Variants in STAT5B observed in about 807,000 individuals in gnomAD.
STAT5B encodes the protein transcription factor STAT5B.
In STAT5B, 21 loss-of-function variants were observed where a neutral mutation model predicts 107.8. That is an observed-to-expected ratio of 0.19 (90% CI 0.14 to 0.28). The LOEUF (loss-of-function observed/expected upper bound fraction) is 0.28, where lower values mean the gene tolerates loss of function less well. Among genes scored for constraint, STAT5B ranks in the 10% least tolerant of loss-of-function variants. The pLI, the probability that STAT5B is intolerant of heterozygous loss-of-function variation, is 1.00. For synonymous variants in STAT5B, 325 were observed against 401.7 expected (o/e 0.81, Z 2.28); for missense variants, 565 against 1,008.2 (o/e 0.56, Z 5.95).
intron 15 of STAT5B, among the ~76,000 whole-genome samples, chr17:42,209,204 C>G (rs192362889): frequency 6.6e-6 from 1 of 152,062 alleles, no homozygotes; most frequent in East Asian, 1.9e-4. Context: ...CCACCATGCC[C>G]ACCTAATTAA....
At chr17:42,208,503 A>G (rs1049618272) in intron 15 of STAT5B, among the ~76,000 whole-genome samples, 14 of 151,724 alleles carry the variant, frequency 9.2e-5, no homozygotes, top group African/African-American at 3.1e-4. Context: ...AAAATAAATA[A>G]ATAAATAAAT....
rs765329195 is a variant in STAT5B at position 42,202,765 on chromosome 17, C to T, written c.2121G>A (p.Val707=). ...GCCACCTGGACACTTACTCAGGGACCACTTGCTTGATCTGTGGCTTCACGT... is the reference window on the plus strand; with the variant it reads ...GCCACCTGGACACTTACTCAGGGACTACTTGCTTGATCTGTGGCTTCACGT... ...DGYVKPQIKQ[V]VPEFVNASAD... The change falls in exon 17 of 19, where the codon GTG becomes GTA. Residue 707 remains valine (V), a synonymous_variant. Coordinates refer to ENST00000293328, the MANE Select transcript of STAT5B (RefSeq NM_012448.4). 8 of 1,614,010 alleles carry T rather than the reference C, an allele frequency of 5.0e-6. No individual in the cohort carries two copies. The highest frequency in any genetic ancestry group is 6.8e-6 in the Non-Finnish European group (8 of 1,180,050).
intron 1 of STAT5B, among the ~76,000 whole-genome samples, chr17:42,250,564 T>C (rs184955823): frequency 2.4e-4 from 37 of 152,228 alleles, no homozygotes; most frequent in Admixed American, 2.0e-3. Flanking sequence ...GTAGTAGTAA[T>C]AAATATTCAA....
At chr17:42,266,546 T>A (rs866712733) in intron 1 of STAT5B, among the ~76,000 whole-genome samples, 1,488 of 120,110 alleles carry the variant, frequency 0.012, 2 homozygotes, top group Middle Eastern at 0.023. Context: ...TCTCAAAAAA[T>A]AAAAAAAAAA....
chr17:42,238,511 G>T (rs2080375766), intron 1 of STAT5B, among the ~76,000 whole-genome samples: 1 of 147,138 alleles, frequency 6.8e-6, no homozygotes, highest in Non-Finnish European at 1.5e-5. Flanking sequence ...CTGGAGTGCA[G>T]TGGCGTGACC....
the STAT5B span, among the ~76,000 whole-genome samples, chr17:42,282,329 A>T: frequency 6.6e-6 from 1 of 150,676 alleles, no homozygotes; most frequent in Non-Finnish European, 1.5e-5. Context: ...ACTGTGACTG[A>T]GTCTTTTTTT....
At chr17:42,214,534 G>GA in intron 12 of STAT5B, 1 of 985,422 alleles carries the variant, frequency 1.0e-6, no homozygotes, top group Non-Finnish European at 1.2e-6. Flanking sequence ...ACACACAACT[G>GA]GAAGGTAACC....
intron 1 of STAT5B, among the ~76,000 whole-genome samples, chr17:42,243,217 G>A (rs574931116): frequency 1.5e-4 from 23 of 152,016 alleles, no homozygotes; most frequent in African/African-American, 5.1e-4. Context: ...TTAGTTGGGC[G>A]TGGTGGCACA....
At chr17:42,237,848 T>C (rs1294894539) in intron 1 of STAT5B, among the ~76,000 whole-genome samples, 1 of 152,180 alleles carries the variant, frequency 6.6e-6, no homozygotes, top group African/African-American at 2.4e-5. Flanking sequence ...ATAATACTTA[T>C]GCCCCTTAGG....
At position 42,274,304 on chromosome 17, in the gene STAT5B, A is replaced by C. The variant is rs997164679; in HGVS notation, c.-11+1944T>G. ...TACAAAAAAAAAAAAAAAAAAAAAA[A>C]AAACCTCTCCATTCCTTCCCTGTGT... is the stretch of plus-strand genomic sequence containing the variant. On this transcript the variant is annotated intron_variant, in intron 1 of 18. Transcript: ENST00000293328. Among the ~76,000 whole-genome samples the C allele has an allele frequency of 1.9e-4, 27 of 140,726 alleles. No homozygotes were observed. The East Asian group carries it at 4.6e-3, about 24-fold the overall frequency. 92.3% of individuals were successfully genotyped at this position (140,726 alleles called of 152,430 possible). A position where few individuals can be genotyped will look rare whatever the true frequency, so the allele number is the denominator to read the frequency against.
At chr17:42,235,645 G>A (rs1464313907) in intron 1 of STAT5B, among the ~76,000 whole-genome samples, 1 of 152,002 alleles carries the variant, frequency 6.6e-6, no homozygotes, top group African/African-American at 2.4e-5. Context: ...GCCCAGCTAA[G>A]TTTTGTATTT....
chr17:42,210,657 G>C, intron 13 of STAT5B, 160 bp from the exon 14 acceptor site: 1 of 704,846 alleles, frequency 1.4e-6, no homozygotes, highest in Admixed American at 2.2e-5. Context: ...TGGCCCCATG[G>C]AGAGGAAAAG....
chr17:42,257,379 CAG>C (rs140604830), intron 1 of STAT5B, among the ~76,000 whole-genome samples: 53,897 of 151,882 alleles, frequency 0.35, 10,685 homozygotes, highest in African/African-American at 0.54. Context: ...CAACATCAAA[CAG>C]GGGGATTACT....
At chr17:42,229,546 A>T (rs192129029) in intron 2 of STAT5B, among the ~76,000 whole-genome samples, 537 of 152,162 alleles carry the variant, frequency 3.5e-3, no homozygotes, top group Non-Finnish European at 5.9e-3. Flanking sequence ...GTTAAAAAAA[A>T]AAAAGACTTG....
In STAT5B at chr17:42,223,589, G is replaced by A. The variant is rs978557155; in HGVS notation, c.376-33C>T. On this transcript the variant is annotated intron_variant, in intron 4 of 18. Coordinates refer to ENST00000293328, the MANE Select transcript of STAT5B (RefSeq NM_012448.4). The stretch of plus-strand genomic sequence containing the variant: ...CATATGGGGGGCAGTGCAAGGCAGT[G>A]CGAATGGGAGGAAGACTGAGGCCTT... The A allele has an allele frequency of 3.1e-6, 5 of 1,610,352 alleles. No homozygotes were observed. In the Admixed American group the frequency reaches 6.7e-5, roughly 22 times the overall value.
At chr17:42,204,867 G>A (rs1038944969) in intron 16 of STAT5B, among the ~76,000 whole-genome samples, 5 of 151,936 alleles carry the variant, frequency 3.3e-5, no homozygotes, top group Admixed American at 6.6e-5. Flanking sequence ...TTCCTCCTCC[G>A]CCTTCTAATG....
chr17:42,277,436 C>T (rs2080774924), upstream of STAT5B, among the ~76,000 whole-genome samples: 1 of 152,202 alleles, frequency 6.6e-6, no homozygotes, highest in Non-Finnish European at 1.5e-5. Flanking sequence ...CCATAGTCCT[C>T]CCTGGGCAGC....
intron 3 of STAT5B, among the ~76,000 whole-genome samples, chr17:42,226,242 A>G (rs2144276302): frequency 6.6e-6 from 1 of 152,164 alleles, no homozygotes; most frequent in South Asian, 2.1e-4. Flanking sequence ...GCCTACATTA[A>G]TTATTTTAAA....
At chr17:42,213,339 T>C (rs192297747) in intron 12 of STAT5B, among the ~76,000 whole-genome samples, 40 of 152,106 alleles carry the variant, frequency 2.6e-4, no homozygotes, top group African/African-American at 9.4e-4. Flanking sequence ...CCCAAACAGC[T>C]GGGACTACAG....
Sources: allele counts gnomAD v4.1 joint callset (sites outside exome capture counted in the v4.1 genomes callset), GRCh38; gene constraint gnomAD v4.1.1; transcripts MANE v1.5; gene names NCBI Gene and HGNC (gene_info 2026-07-23, HGNC 2026-07-21).